FBXL19: variants seen among roughly 807,000 people sequenced by gnomAD.
FBXL19 encodes the protein F-box and leucine rich repeat protein 19.
FBXL19 carries 16 observed loss-of-function variants against 71.2 expected under a neutral mutation model. That is an observed-to-expected ratio of 0.22 (90% CI 0.15 to 0.34). The LOEUF (loss-of-function observed/expected upper bound fraction) is 0.34, where lower values mean the gene tolerates loss of function less well. Among genes scored for constraint, FBXL19 ranks in the 10% least tolerant of loss-of-function variants. FBXL19 has a pLI of 1.00. For synonymous variants in FBXL19, 447 were observed against 409.4 expected (o/e 1.09, Z -1.11); for missense variants, 658 against 968.2 (o/e 0.68, Z 4.25).
At chr16:30,934,820 A>C (rs2055713616) in intron 7 of FBXL19, among the ~76,000 whole-genome samples, 1 of 152,174 alleles carries the variant, frequency 6.6e-6, no homozygotes, top group Admixed American at 6.6e-5. Flanking sequence ...CAGATGACTG[A>C]CGTGTGTGGT....
rs989096609 is a variant in FBXL19 at position 30,948,041 on chromosome 16, G to C, written c.*811G>C. ...CTGTACTGAAGTGTTACTTGAACCGGGGGAATCTCGGACCTGGGGGAGCCG... is the reference window on the plus strand; with the variant it reads ...CTGTACTGAAGTGTTACTTGAACCGCGGGAATCTCGGACCTGGGGGAGCCG... On this transcript the variant is annotated 3_prime_UTR_variant, in exon 11 of 11. Transcript: ENST00000338343. 2 of 284,032 alleles carry C rather than the reference G, an allele frequency of 7.0e-6. No individual in the cohort carries two copies. The highest frequency in any genetic ancestry group is 1.4e-5 in the Non-Finnish European group (2 of 140,498). The allele number at this position is 284,032 out of a possible 1,614,324, so 17.6% of individuals were successfully genotyped here.
chr16:30,947,511 G>C lies in FBXL19; in HGVS notation c.*281G>C. 1 of 466,732 alleles carries C rather than the reference G, an allele frequency of 2.1e-6. No individual in the cohort carries two copies. Among genetic ancestry groups the C allele is most frequent in the South Asian group, 2.5e-5 (1 of 40,480 alleles). The allele number at this position is 466,732 out of a possible 1,614,324, so 28.9% of individuals were successfully genotyped here. Reference sequence around the variant, plus strand: ...AGGTACTGGAGGGTGCTGAGCCGAAGGGACGGTGGGAGGGGGGTTATGGTG... The same window carrying C: ...AGGTACTGGAGGGTGCTGAGCCGAACGGACGGTGGGAGGGGGGTTATGGTG... On this transcript the variant is annotated 3_prime_UTR_variant, in exon 11 of 11. Transcript: ENST00000338343.
chr16:30,938,920 G>A (rs1222604919), intron 7 of FBXL19, among the ~76,000 whole-genome samples: 1 of 150,926 alleles, frequency 6.6e-6, no homozygotes, highest in African/African-American at 2.4e-5. Flanking sequence ...ACAGGCGTGA[G>A]CCACTGCGCC....
chr16:30,935,023 C>A (rs1050627562), intron 7 of FBXL19, among the ~76,000 whole-genome samples: 1 of 152,058 alleles, frequency 6.6e-6, no homozygotes, highest in East Asian at 1.9e-4. Context: ...GAGTAGAGAA[C>A]GAGGCAGGAG....
At chr16:30,928,700 TG>T in intron 6 of FBXL19, 72 bp downstream of exon 6, 2 of 1,146,914 alleles carry the variant, frequency 1.7e-6, no homozygotes, top group Non-Finnish European at 2.2e-6. Flanking sequence ...GCCCAAGACC[TG>T]TCCCTTCCTG....
intron 1 of FBXL19, 175 bp downstream of exon 1, chr16:30,924,634 C>G: frequency 7.2e-7 from 1 of 1,390,598 alleles, no homozygotes; most frequent in African/African-American, 1.5e-5. Flanking sequence ...GGCCCTCCTT[C>G]CTAGACCCTG....
chr16:30,927,373 G>T lies in FBXL19; in HGVS notation c.243G>T (p.Glu81Asp), dbSNP rs765511827. Reference sequence around the variant, plus strand: ...AGGCTGGGAAGGAGGACACGGTGGAGGGAGAGGAAGAGAAATTTGGTTTGA... The same window carrying T: ...AGGCTGGGAAGGAGGACACGGTGGATGGAGAGGAAGAGAAATTTGGTTTGA... ...CGEAGKEDTV[E>D]GEEEKFGLSL... is the part of the protein sequence containing the mutation. Residue 81 changes from glutamate to aspartate, a missense_variant, in exon 3 of 11, where the codon GAG becomes GAT. By Grantham distance (45) the Glu-to-Asp change is conservative. Transcript: ENST00000338343. 67 of 1,592,812 alleles carry T rather than the reference G, an allele frequency of 4.2e-5. No individual in the cohort carries two copies. The highest frequency in any genetic ancestry group is 3.5e-5 in the Non-Finnish European group (41 of 1,169,660).
At chr16:30,935,662 C>T (rs1358559259) in intron 7 of FBXL19, among the ~76,000 whole-genome samples, 2 of 152,060 alleles carry the variant, frequency 1.3e-5, no homozygotes, top group Admixed American at 1.3e-4. Flanking sequence ...TCGGAACTGG[C>T]AGTGCTTGGA....
rs1049031287 is a variant in FBXL19 at position 30,942,005 on chromosome 16, C to G, written c.1302-111C>G. ...CAGGTGCTTCTTGCTACCCTGTTGT[C>G]TGTGTGGCCAGAAGAGAGCTGGGGT... On this transcript the variant is annotated intron_variant, in intron 7 of 10. Coordinates refer to ENST00000338343, the MANE Select transcript of FBXL19 (RefSeq NM_001382779.1). This position sits in a 1 kb window ranked among gnomAD's most constrained non-coding sequence, Gnocchi z 5.7. 4.2e-5 allele frequency: 52 copies of G among 1,243,590 alleles called. No homozygotes were observed. Among genetic ancestry groups the G allele is most frequent in the Non-Finnish European group, 5.2e-5 (49 of 938,330 alleles). The allele number at this position is 1,243,590 out of a possible 1,614,324, so 77.0% of individuals were successfully genotyped here. A position where few individuals can be genotyped will look rare whatever the true frequency, so the allele number is the denominator to read the frequency against.
rs1031330616 is a variant in FBXL19, at chr16:30,942,612, C to T, written c.1627+76C>T. On this transcript the variant is annotated intron_variant, in intron 9 of 10. Coordinates refer to ENST00000338343, the MANE Select transcript of FBXL19 (RefSeq NM_001382779.1). This position sits in a 1 kb window ranked among gnomAD's most constrained non-coding sequence, Gnocchi z 5.7. Reference sequence around the variant, plus strand: ...AGGAGGCCTCTCAGGTCTCTTCTGACTCATGCTGGATGGTAAAGTATTTGA... The same window carrying T: ...AGGAGGCCTCTCAGGTCTCTTCTGATTCATGCTGGATGGTAAAGTATTTGA... 7 of 1,456,662 alleles carry T rather than the reference C, an allele frequency of 4.8e-6. 1 individual carries two copies. The highest frequency in any genetic ancestry group is 2.8e-5 in the South Asian group (2 of 71,266). 90.2% of individuals were successfully genotyped at this position (1,456,662 alleles called of 1,614,324 possible).
intron 7 of FBXL19, among the ~76,000 whole-genome samples, chr16:30,933,516 C>T (rs1016543378): frequency 6.6e-6 from 1 of 151,828 alleles, no homozygotes; most frequent in Non-Finnish European, 1.5e-5. Flanking sequence ...GTGGTGCAGT[C>T]ATAGCTCATT....
chr16:30,938,253 G>A (rs1474856080), intron 7 of FBXL19, among the ~76,000 whole-genome samples: 8 of 152,182 alleles, frequency 5.3e-5, no homozygotes, highest in Middle Eastern at 3.4e-3. Flanking sequence ...AGTGGCTCAC[G>A]CCTGTAATCC....
At chr16:30,943,783 G>A (rs895569806) in intron 9 of FBXL19, among the ~76,000 whole-genome samples, 4 of 152,110 alleles carry the variant, frequency 2.6e-5, no homozygotes, top group Non-Finnish European at 5.9e-5. Context: ...GATTATAGGC[G>A]TGAGCCACCA....
Position 30,927,879 on chromosome 16 carries a change from CGGGCCCCCCCCGGAGGACGTGCCT to C in FBXL19, c.553_576del (p.Pro185_Pro192del). 6.5e-7 allele frequency: 1 copy of C among 1,528,352 alleles called. No homozygotes were observed. Among genetic ancestry groups the C allele is most frequent in the Non-Finnish European group, 8.8e-7 (1 of 1,138,504 alleles). 94.7% of individuals were successfully genotyped at this position (1,528,352 alleles called of 1,614,324 possible). The stretch of plus-strand genomic sequence containing the variant: ...CCAGGCGCAAGGGCCCCCTGCCTGC[CGGGCCCCCCCCGGAGGACGTGCCT>C]GGGCCCCCCAAACGAAAGGAAAGGG... On this transcript the variant is annotated inframe_deletion, in exon 5 of 11. Transcript: ENST00000338343.
rs1364592733 is a variant in FBXL19 at position 30,927,668 on chromosome 16, T to G, written c.408+9T>G. The G allele has an allele frequency of 1.3e-6, 2 of 1,563,490 alleles. No individual in the cohort carries two copies. Among genetic ancestry groups the G allele is most frequent in the Non-Finnish European group, 1.7e-6 (2 of 1,154,160 alleles). Reference sequence around the variant, plus strand: ...AAGGCCGCACCAGCAAGGTAGGGGCTGGGCTGGGCTGAGCTGTGGGTAGGT... The same window carrying G: ...AAGGCCGCACCAGCAAGGTAGGGGCGGGGCTGGGCTGAGCTGTGGGTAGGT... On this transcript the variant is annotated intron_variant, in intron 4 of 10. Transcript: ENST00000338343.
At chr16:30,926,579 T>C (rs577256331) in intron 2 of FBXL19, among the ~76,000 whole-genome samples, 2 of 152,032 alleles carry the variant, frequency 1.3e-5, no homozygotes, top group Non-Finnish European at 2.9e-5. Flanking sequence ...AGCTGCATCC[T>C]GCGTCCCCCT....
chr16:30,932,557 GC>G (rs1255711542), intron 7 of FBXL19, among the ~76,000 whole-genome samples: 1 of 152,214 alleles, frequency 6.6e-6, no homozygotes. Context: ...TGGCTGCGTG[GC>G]CATGTGTGGA....
At chr16:30,923,022 GACT>G (rs932744814), upstream of FBXL19, 5 of 456,738 alleles carry the variant, frequency 1.1e-5, no homozygotes, top group East Asian at 6.9e-5. Flanking sequence ...TCGTAAGATC[GACT>G]ACTAGTCAGG....
intron 7 of FBXL19, among the ~76,000 whole-genome samples, chr16:30,936,315 C>T (rs911315934): frequency 1.3e-5 from 2 of 152,112 alleles, no homozygotes; most frequent in African/African-American, 4.8e-5. Context: ...CCACTCTTGC[C>T]TCTTCTCTCC....
Sources: allele counts gnomAD v4.1 joint callset (sites outside exome capture counted in the v4.1 genomes callset), GRCh38; gene constraint gnomAD v4.1.1; non-coding constraint Gnocchi (gnomAD v3.1); transcripts MANE v1.5; gene names NCBI Gene and HGNC (gene_info 2026-07-23, HGNC 2026-07-21).